The following UGGT1 variants were observed in gnomAD, a reference collection of about 807,000 sequenced individuals.
UGGT1 encodes the protein UDP-glucose:glycoprotein glucosyltransferase 1.
In UGGT1, 107 loss-of-function variants were observed where a neutral mutation model predicts 203.9. The ratio of observed to expected loss-of-function variants is 0.52; its 90% CI spans 0.45 to 0.62. The LOEUF is 0.62. UGGT1 is among the 20% of genes least tolerant of loss of function. The probability of loss-of-function intolerance (pLI) is 0.00; values close to 1 mark genes in which losing one functional copy is unlikely to be tolerated. For synonymous variants in UGGT1, 628 were observed against 653.5 expected (o/e 0.96, Z 0.59); for missense variants, 1,673 against 1,867.2 (o/e 0.90, Z 1.92).
At chr2:128,177,959 A>G (rs755784222) in intron 33 of UGGT1, 39 bp downstream of exon 33, 1 of 1,532,288 alleles carries the variant, frequency 6.5e-7, no homozygotes, top group Non-Finnish European at 8.9e-7. Context: ...TTAAGGAAAA[A>G]CTGAGATATA....
intron 6 of UGGT1, among the ~76,000 whole-genome samples, chr2:128,113,546 A>G (rs1687961766): frequency 6.6e-6 from 1 of 152,208 alleles, no homozygotes; most frequent in Non-Finnish European, 1.5e-5. Context: ...TCATCATACT[A>G]TGGAACTGAT....
intron 20 of UGGT1, among the ~76,000 whole-genome samples, chr2:128,155,896 G>A (rs1690204978): frequency 6.6e-6 from 1 of 152,154 alleles, no homozygotes; most frequent in African/African-American, 2.4e-5. Context: ...ATGTAAAAAT[G>A]GGTTAATGAA....
In UGGT1 at chr2:128,189,738, TATG is replaced by T; in HGVS notation, c.4667_*1del. On this transcript the variant is annotated stop_lost and inframe_deletion, in exon 41 of 41. Transcript: ENST00000259253. ...TTAGGTCCTCAGAAACGTGAAGAAT[TATG>T]ATCTCTGGAGAAGGACAGGAAATCA... 1 of 1,613,126 alleles carries T rather than the reference TATG, an allele frequency of 6.2e-7. No homozygotes were observed. Among genetic ancestry groups the T allele is most frequent in the Non-Finnish European group, 8.5e-7 (1 of 1,179,436 alleles).
chr2:128,145,565 C>T (rs1433240508), intron 17 of UGGT1: 7 of 408,716 alleles, frequency 1.7e-5, no homozygotes, highest in Non-Finnish European at 3.0e-5. Context: ...TCATAATTTG[C>T]AAGCTTTTGT....
chr2:128,145,877 A>G lies in UGGT1; in HGVS notation c.1926A>G (p.Glu642=), dbSNP rs1689665036. 1 of 1,614,082 alleles carries G rather than the reference A, an allele frequency of 6.2e-7. No individual in the cohort carries two copies. Among genetic ancestry groups the G allele is most frequent in the Non-Finnish European group, 8.5e-7 (1 of 1,179,970 alleles). Residue 642 remains glutamate (E), a synonymous_variant, in exon 18 of 41, where the codon GAA becomes GAG. Transcript: ENST00000259253. ...PVVLFNGMPF[E]REQLDPDELE... ...TGCTGTTCAATGGAATGCCCTTTGA[A>G]AGGGAACAGCTAGACCCTGATGAGT...
At chr2:128,131,071 A>G (rs1376362727) in intron 13 of UGGT1, among the ~76,000 whole-genome samples, 1 of 150,396 alleles carries the variant, frequency 6.6e-6, no homozygotes, top group Non-Finnish European at 1.5e-5. Context: ...CATCTCTACT[A>G]AAAATACAAA....
At chr2:128,129,308 G>A in intron 13 of UGGT1, 129 bp downstream of exon 13, 1 of 1,101,344 alleles carries the variant, frequency 9.1e-7, no homozygotes, top group Non-Finnish European at 1.2e-6. Context: ...ATTTATAATT[G>A]CTTATATGGG....
intron 10 of UGGT1, 94 bp downstream of exon 10, chr2:128,121,392 G>T: frequency 9.6e-5 from 58 of 605,072 alleles, no homozygotes; most frequent in Admixed American, 2.1e-4. Flanking sequence ...AAAATTCCTA[G>T]AAAATTAAGA....
At chr2:128,091,636 G>A (rs1389617244) in intron 1 of UGGT1, 3 of 1,397,546 alleles carry the variant, frequency 2.1e-6, no homozygotes, top group Non-Finnish European at 2.8e-6. Flanking sequence ...TCTGTTCAGC[G>A]GTCTTGAACC....
chr2:128,139,740 A>T (rs1573558193), intron 16 of UGGT1: 2 of 153,886 alleles, frequency 1.3e-5, no homozygotes, highest in South Asian at 3.9e-4. Flanking sequence ...TCATTCAGGG[A>T]CTTGCAGGCA....
chr2:128,172,307 C>T (rs929597650), intron 28 of UGGT1, among the ~76,000 whole-genome samples: 2 of 152,126 alleles, frequency 1.3e-5, no homozygotes, highest in Non-Finnish European at 2.9e-5. Context: ...GTACCTGTTA[C>T]TAGAAGGTCA....
intron 2 of UGGT1, among the ~76,000 whole-genome samples, chr2:128,101,339 G>A (rs991279470): frequency 6.6e-6 from 1 of 152,102 alleles, no homozygotes; most frequent in African/African-American, 2.4e-5. Context: ...TGCCTTCCTT[G>A]CATCTATCCC....
At chr2:128,100,484 G>A (rs1229199320) in intron 2 of UGGT1, among the ~76,000 whole-genome samples, 3 of 151,874 alleles carry the variant, frequency 2.0e-5, no homozygotes, top group South Asian at 2.1e-4. Flanking sequence ...TCGGCTCACC[G>A]CAACCTCTGC....
chr2:128,162,495 A>AAG (rs1159818891), intron 25 of UGGT1, among the ~76,000 whole-genome samples: 1 of 151,940 alleles, frequency 6.6e-6, no homozygotes, highest in Non-Finnish European at 1.5e-5. Flanking sequence ...TGCAGAGTTC[A>AAG]AGAGCATGTT....
rs542846250 is a variant in UGGT1 at position 128,142,753 on chromosome 2, C to T, written c.1720-341C>T. Reference sequence around the variant, plus strand: ...ATCCCAGCACTTTGGGAGACTGAGGCGGGTGGATCACCTGAGGTCAGGGTT... The same window carrying T: ...ATCCCAGCACTTTGGGAGACTGAGGTGGGTGGATCACCTGAGGTCAGGGTT... On this transcript the variant is annotated intron_variant, in intron 16 of 40. Coordinates refer to ENST00000259253, the MANE Select transcript of UGGT1 (RefSeq NM_020120.4). 2.2e-3 allele frequency among the ~76,000 whole-genome samples: 330 copies of T among 151,874 alleles called. 1 individual carries two copies. The highest frequency in any genetic ancestry group is 3.5e-3 in the Non-Finnish European group (238 of 67,912).
chr2:128,103,251 C>A, intron 2 of UGGT1: 1 of 332,780 alleles, frequency 3.0e-6, no homozygotes. Flanking sequence ...ATGAATCATT[C>A]AATTACTACG....
chr2:128,152,645 A>G, intron 18 of UGGT1, 139 bp from the exon 19 acceptor site: 1 of 1,186,562 alleles, frequency 8.4e-7, no homozygotes, highest in Non-Finnish European at 1.2e-6. Flanking sequence ...GGGACCAATA[A>G]CATAGTAACT....
chr2:128,158,660 A>G (rs753861974), intron 22 of UGGT1, among the ~76,000 whole-genome samples: 5 of 152,220 alleles, frequency 3.3e-5, no homozygotes, highest in Non-Finnish European at 7.3e-5. Context: ...GACTGCTGCA[A>G]TGAATATTCT....
chr2:128,120,331 G>A, intron 8 of UGGT1, 25 bp from the exon 9 acceptor site: 1 of 1,594,382 alleles, frequency 6.3e-7, no homozygotes, highest in Non-Finnish European at 8.6e-7. Flanking sequence ...ATAATGAAAA[G>A]GACTGATTTT....
Sources: allele counts gnomAD v4.1 joint callset (sites outside exome capture counted in the v4.1 genomes callset), GRCh38; gene constraint gnomAD v4.1.1; transcripts MANE v1.5; gene names NCBI Gene and HGNC (gene_info 2026-07-23, HGNC 2026-07-21).